Variants in SRBD1 observed in about 807,000 individuals in gnomAD.
SRBD1 encodes the protein S1 RNA binding domain 1.
SRBD1 carries 88 observed loss-of-function variants against 115.3 expected under a neutral mutation model. The observed-to-expected ratio is 0.76, with a 90% CI of 0.64 to 0.91. The LOEUF (loss-of-function observed/expected upper bound fraction) is 0.91, where lower values mean the gene tolerates loss of function less well. Among genes scored for constraint, SRBD1 ranks in the 40% least tolerant of loss-of-function variants. The probability of loss-of-function intolerance (pLI) is 0.00; values close to 1 mark genes in which losing one functional copy is unlikely to be tolerated. For synonymous variants in SRBD1, 509 were observed against 407.7 expected, an observed-to-expected ratio of 1.25 and a Z score of -2.99; for missense variants, 1,385 against 1,177.4, an observed-to-expected ratio of 1.18 and a Z score of -2.58.
intron 14 of SRBD1, among the ~76,000 whole-genome samples, chr2:45,545,499 A>T (rs1672088412): frequency 6.6e-6 from 1 of 152,092 alleles, no homozygotes; most frequent in African/African-American, 2.4e-5. Flanking sequence ...TGTATGCAAG[A>T]TATTTACATG....
intron 14 of SRBD1, among the ~76,000 whole-genome samples, chr2:45,540,926 T>C (rs1045153241): frequency 6.6e-6 from 1 of 152,224 alleles, no homozygotes; most frequent in Non-Finnish European, 1.5e-5. Flanking sequence ...TGTTACGGAA[T>C]CCTTAGGGTG....
Position 45,411,723 on chromosome 2 carries a change from A to G in SRBD1, c.2513+1391T>C, listed in dbSNP as rs771278746. 3.3e-5 allele frequency among the ~76,000 whole-genome samples: 5 copies of G among 152,236 alleles called. No homozygotes were observed. The East Asian group carries it at 9.6e-4, about 29-fold the overall frequency. Reference sequence around the variant, plus strand: ...TGACCTCAAAAGAAAAAAATCGTAAAGAATTATCAAATTGTAGTTAATTAT... The same window carrying G: ...TGACCTCAAAAGAAAAAAATCGTAAGGAATTATCAAATTGTAGTTAATTAT... On this transcript the variant is annotated intron_variant, in intron 19 of 20. Coordinates refer to ENST00000263736, the MANE Select transcript of SRBD1 (RefSeq NM_018079.5).
chr2:45,444,863 G>A (rs569266222), intron 16 of SRBD1, among the ~76,000 whole-genome samples: 1 of 152,198 alleles, frequency 6.6e-6, no homozygotes, highest in Admixed American at 6.5e-5. Context: ...CGTTCATTCA[G>A]CAAAGGCAAC....
chr2:45,514,940 A>G (rs1671075362), intron 14 of SRBD1, among the ~76,000 whole-genome samples: 1 of 152,210 alleles, frequency 6.6e-6, no homozygotes, highest in Non-Finnish European at 1.5e-5. Flanking sequence ...GTAACAGACC[A>G]TATTCTTGAT....
intron 9 of SRBD1, among the ~76,000 whole-genome samples, chr2:45,572,860 A>G (rs975607029): frequency 1.4e-4 from 21 of 152,286 alleles, no homozygotes; most frequent in African/African-American, 4.6e-4. Flanking sequence ...TCTAAATCAG[A>G]TATCTCATAT....
intron 4 of SRBD1, among the ~76,000 whole-genome samples, chr2:45,586,984 AATT>A (rs1395092156): frequency 2.1e-5 from 1 of 47,572 alleles, no homozygotes; most frequent in East Asian, 2.6e-4. Flanking sequence ...AAATATTTAA[AATT>A]ATTTTAAATA....
chr2:45,518,486 GAA>G (rs1483332184), intron 14 of SRBD1, among the ~76,000 whole-genome samples: 1 of 152,188 alleles, frequency 6.6e-6, no homozygotes, highest in African/African-American at 2.4e-5. Flanking sequence ...GTGGAAGAGA[GAA>G]AAAGAATTTA....
chr2:45,553,920 A>G (rs1284588864), intron 10 of SRBD1, among the ~76,000 whole-genome samples, 190 bp from the exon 11 acceptor site: 1 of 152,238 alleles, frequency 6.6e-6, no homozygotes, highest in Non-Finnish European at 1.5e-5. Flanking sequence ...TTTTATTTTA[A>G]AAATCCTAGT....
intron 14 of SRBD1, among the ~76,000 whole-genome samples, chr2:45,514,563 A>G (rs1451057297): frequency 1.3e-5 from 2 of 152,190 alleles, no homozygotes; most frequent in Non-Finnish European, 2.9e-5. Flanking sequence ...AATTTGGCAG[A>G]AAAATAATTT....
intron 16 of SRBD1, among the ~76,000 whole-genome samples, chr2:45,451,100 A>G (rs2103742104): frequency 6.6e-6 from 1 of 152,272 alleles, no homozygotes; most frequent in Non-Finnish European, 1.5e-5. Context: ...GGCTATTTGC[A>G]GGGTGATGAC....
intron 18 of SRBD1, among the ~76,000 whole-genome samples, chr2:45,417,432 A>G (rs778975068): frequency 2.0e-5 from 3 of 152,172 alleles, no homozygotes; most frequent in Non-Finnish European, 4.4e-5. Flanking sequence ...TTCAGACCTT[A>G]TTCTGTGCTA....
intron 16 of SRBD1, among the ~76,000 whole-genome samples, chr2:45,421,510 C>A (rs13013855): frequency 0.24 from 5,357 of 22,494 alleles, 1,536 homozygotes; most frequent in Middle Eastern, 0.4. Context: ...CCGTCTCAAA[C>A]AAAAAAAAAA....
At chr2:45,445,259 T>C (rs2103723047) in intron 16 of SRBD1, among the ~76,000 whole-genome samples, 1 of 152,298 alleles carries the variant, frequency 6.6e-6, no homozygotes, top group East Asian at 1.9e-4. Context: ...CATCACCCCA[T>C]AAACATTAAC....
chr2:45,472,146 C>T lies in SRBD1; in HGVS notation c.2049+4847G>A, dbSNP rs886398324. Among the ~76,000 whole-genome samples the T allele has an allele frequency of 2.0e-5, 3 of 152,092 alleles. No homozygotes were observed. In the East Asian group the frequency reaches 5.8e-4, roughly 29 times the overall value. ...ACCCACACATACACACACTGGAATA[C>T]TACTTAGCCATAAAGAAGAATGAAG... On this transcript the variant is annotated intron_variant, in intron 16 of 20. Coordinates refer to ENST00000263736, the MANE Select transcript of SRBD1 (RefSeq NM_018079.5).
chr2:45,480,188 AAAC>A lies in SRBD1; in HGVS notation c.1967-3116_1967-3114del, dbSNP rs372376296. Among the ~76,000 whole-genome samples the A allele has an allele frequency of 1.0e-3, 153 of 152,304 alleles. 3 individuals carry two copies. In the East Asian group the frequency reaches 0.022, roughly 22 times the overall value. ...ATTAATACTGTTTTCATGCCTACTA[AAAC>A]AACATCCATTCTGCATACCATGTAT... On this transcript the variant is annotated intron_variant, in intron 15 of 20. Transcript: ENST00000263736.
chr2:45,418,031 G>A (rs1475462160), intron 18 of SRBD1, among the ~76,000 whole-genome samples: 3 of 152,148 alleles, frequency 2.0e-5, no homozygotes, highest in Non-Finnish European at 4.4e-5. Context: ...AAAAAATAAC[G>A]AATCTAAAGT....
intron 14 of SRBD1, among the ~76,000 whole-genome samples, chr2:45,515,493 G>C (rs1308307630): frequency 2.0e-5 from 3 of 152,108 alleles, no homozygotes; most frequent in Admixed American, 6.6e-5. Flanking sequence ...GGGTATTTTA[G>C]AAAACTGAAG....
intron 16 of SRBD1, among the ~76,000 whole-genome samples, chr2:45,466,770 T>C (rs975007994): frequency 2.0e-5 from 3 of 152,212 alleles, no homozygotes; most frequent in African/African-American, 7.2e-5. Context: ...CTAATTTTCC[T>C]CCTACATTAC....
At chr2:45,539,348 C>G (rs1272214763) in intron 14 of SRBD1, among the ~76,000 whole-genome samples, 1 of 152,018 alleles carries the variant, frequency 6.6e-6, no homozygotes, top group East Asian at 1.9e-4. Flanking sequence ...CATGGCCTCA[C>G]AGAGCTTCAC....
Sources: gnomAD v4.1 joint callset for allele counts (sites outside exome capture counted in the v4.1 genomes callset) on GRCh38, gnomAD v4.1.1 for gene constraint, MANE v1.5 for transcripts, NCBI Gene and HGNC (gene_info 2026-07-23, HGNC 2026-07-21) for gene names.